The following NFATC1 variants were observed in gnomAD, a reference collection of about 807,000 sequenced individuals.
NFATC1 encodes the protein nuclear factor of activated T-cells, cytoplasmic 1.
Under a neutral mutation model 76.0 loss-of-function variants are expected in NFATC1, and 22 were observed. That is an observed-to-expected ratio of 0.29 (90% confidence interval 0.21 to 0.41). The LOEUF (loss-of-function observed/expected upper bound fraction) is 0.41, where lower values mean the gene tolerates loss of function less well. Among genes scored for constraint, NFATC1 ranks in the 10% least tolerant of loss-of-function variants. The pLI, the probability that NFATC1 is intolerant of heterozygous loss-of-function variation, is 1.00. For synonymous variants in NFATC1, 704 were observed against 613.1 expected, an observed-to-expected ratio of 1.15 and a Z score of -2.19; for missense variants, 1,357 against 1,337.7, an observed-to-expected ratio of 1.01 and a Z score of -0.23.
intron 1 of NFATC1, among the ~76,000 whole-genome samples, chr18:79,405,246 G>A (rs542147927): frequency 3.3e-5 from 5 of 152,332 alleles, no homozygotes; most frequent in South Asian, 2.1e-4. Flanking sequence ...TGTGCTCTCC[G>A]CGATCATTGC....
chr18:79,449,647 G>T (rs1226476651), intron 4 of NFATC1, among the ~76,000 whole-genome samples: 2 of 152,164 alleles, frequency 1.3e-5, no homozygotes, highest in African/African-American at 2.4e-5. Context: ...CGGCTGGAAC[G>T]TGCAGACCAG....
chr18:79,412,333 T>C (rs1385687197), intron 2 of NFATC1, among the ~76,000 whole-genome samples: 1 of 152,124 alleles, frequency 6.6e-6, no homozygotes, highest in Non-Finnish European at 1.5e-5. Flanking sequence ...TCGAGGGCAG[T>C]GCCCCATGGC....
At chr18:79,452,744 G>C (rs762602409) in intron 6 of NFATC1, among the ~76,000 whole-genome samples, 20 of 152,218 alleles carry the variant, frequency 1.3e-4, no homozygotes, top group Admixed American at 5.2e-4. Context: ...CCTGCCGTGA[G>C]CTCCCTGGTT....
At chr18:79,522,699 A>G (rs1001057572) in intron 9 of NFATC1, among the ~76,000 whole-genome samples, 7 of 152,118 alleles carry the variant, frequency 4.6e-5, no homozygotes, top group Admixed American at 1.3e-4. Flanking sequence ...AGGGAGGACC[A>G]GAGAGGGAAG....
chr18:79,459,283 C>A (rs970849256), intron 6 of NFATC1, among the ~76,000 whole-genome samples: 9 of 152,250 alleles, frequency 5.9e-5, no homozygotes, highest in Non-Finnish European at 1.2e-4. Context: ...AAGGATGGTT[C>A]CCCACAGGCC....
intron 1 of NFATC1, among the ~76,000 whole-genome samples, chr18:79,396,785 TG>T (rs934978120): frequency 6.6e-6 from 1 of 151,578 alleles, no homozygotes; most frequent in African/African-American, 2.4e-5. Flanking sequence ...GATCGCGGTT[TG>T]GGGGTTCTGC....
chr18:79,437,119 G>C lies in NFATC1; in HGVS notation c.1386+3381G>C, dbSNP rs1049503160. ...GGATGGCCGGCAGCCCCTGGTGGAC[G>C]TGGTCCCTGCGGGGTCTGGCGGGAC... On this transcript the variant is annotated intron_variant, in intron 3 of 9. Transcript: ENST00000427363. 2.0e-5 allele frequency among the ~76,000 whole-genome samples: 3 copies of C among 152,246 alleles called. 1 individual carries two copies. The highest frequency in any genetic ancestry group is 7.2e-5 in the African/African-American group (3 of 41,460).
intron 2 of NFATC1, chr18:79,422,276 G>GT (rs1338309189): frequency 6.6e-6 from 1 of 152,290 alleles, no homozygotes; most frequent in Non-Finnish European, 1.5e-5. Context: ...TTTGGTTTTT[G>GT]TTTTATAAGC....
At chr18:79,450,263 A>C (rs1278168564) in intron 4 of NFATC1, among the ~76,000 whole-genome samples, 1 of 152,158 alleles carries the variant, frequency 6.6e-6, no homozygotes, top group Non-Finnish European at 1.5e-5. Context: ...TATACATGGA[A>C]TGTTTTACTG....
At chr18:79,526,428 G>T (rs1193513608) in intron 9 of NFATC1, among the ~76,000 whole-genome samples, 2 of 152,268 alleles carry the variant, frequency 1.3e-5, no homozygotes, top group East Asian at 3.9e-4. Context: ...ACGCGTGCCT[G>T]TGTCTTTACA....
intron 2 of NFATC1, chr18:79,422,285 G>A (rs925294615): frequency 2.0e-5 from 3 of 152,314 alleles, no homozygotes; most frequent in African/African-American, 2.4e-5. Context: ...TGTTTTATAA[G>A]CCATCCATGG....
chr18:79,442,209 C>T (rs548943383), intron 3 of NFATC1, among the ~76,000 whole-genome samples: 1 of 152,354 alleles, frequency 6.6e-6, no homozygotes, highest in South Asian at 2.1e-4. Context: ...TGGGGCTGCT[C>T]TTCCGGAGAG....
chr18:79,459,472 T>A (rs1641169049), intron 6 of NFATC1, among the ~76,000 whole-genome samples: 1 of 151,998 alleles, frequency 6.6e-6, no homozygotes, highest in South Asian at 2.1e-4. Context: ...AAAAATGGCG[T>A]CCCCTCGGGG....
Position 79,451,059 on chromosome 18 carries a change from C to T in NFATC1, c.1695C>T (p.Arg565=), listed in dbSNP as rs1022505007. Residue 565 remains arginine (R), a synonymous_variant, in exon 5 of 10, where the codon CGC becomes CGT. Transcript: ENST00000427363. The part of the protein sequence containing the change: ...RKNTRVRLVF[R]VHVPQPSGRT... ...ACACACGGGTACGGCTGGTGTTCCG[C>T]GTTCACGTCCCGCAACCCAGCGGCC... 2.5e-6 allele frequency: 4 copies of T among 1,613,262 alleles called. No homozygotes were observed. Among genetic ancestry groups the T allele is most frequent in the South Asian group, 1.1e-5 (1 of 91,084 alleles).
At chr18:79,453,496 C>T (rs1600760679) in intron 6 of NFATC1, among the ~76,000 whole-genome samples, 1 of 152,250 alleles carries the variant, frequency 6.6e-6, no homozygotes, top group African/African-American at 2.4e-5. Context: ...TACAGGCAGC[C>T]CCTCCTGCCT....
At chr18:79,407,318 T>C (rs1412860080) in intron 1 of NFATC1, among the ~76,000 whole-genome samples, 2 of 152,192 alleles carry the variant, frequency 1.3e-5, no homozygotes, top group African/African-American at 2.4e-5. Context: ...CTGGGGCAGA[T>C]CCTGGGGATG....
At chr18:79,397,238 T>C (rs967655650) in intron 1 of NFATC1, among the ~76,000 whole-genome samples, 2 of 152,252 alleles carry the variant, frequency 1.3e-5, no homozygotes, top group Non-Finnish European at 2.9e-5. Context: ...GGATTAGGGA[T>C]TGCAATGCTA....
chr18:79,422,525 G>A (rs1051872569), intron 2 of NFATC1: 8 of 152,254 alleles, frequency 5.3e-5, no homozygotes, highest in African/African-American at 1.4e-4. Context: ...CTCCAGCCAC[G>A]AGAAGATGCA....
intron 8 of NFATC1, among the ~76,000 whole-genome samples, chr18:79,485,089 C>A (rs1041842644): frequency 6.6e-6 from 1 of 152,240 alleles, no homozygotes; most frequent in Non-Finnish European, 1.5e-5. Context: ...GTGGTGGCGA[C>A]TGTTTGCACC....
Sources: gnomAD v4.1 joint callset for allele counts (sites outside exome capture counted in the v4.1 genomes callset) on GRCh38, gnomAD v4.1.1 for gene constraint, MANE v1.5 for transcripts, NCBI Gene and HGNC (gene_info 2026-07-23, HGNC 2026-07-21) for gene names.